Variants in ADIPOR2 observed in about 807,000 individuals in gnomAD.
ADIPOR2 encodes adiponectin receptor 2.
A neutral mutation model predicts 40.9 loss-of-function variants in ADIPOR2; 18 were observed. That is an observed-to-expected ratio of 0.44 (90% CI 0.30 to 0.65). The LOEUF (loss-of-function observed/expected upper bound fraction) is 0.65, where lower values mean the gene tolerates loss of function less well. ADIPOR2 is among the 30% of genes least tolerant of loss of function. The pLI, the probability that ADIPOR2 is intolerant of heterozygous loss-of-function variation, is 0.09. For missense variants in ADIPOR2, 283 were observed against 479.2 expected, an observed-to-expected ratio of 0.59 and a Z score of 3.82; for synonymous variants, 165 against 166.4, an observed-to-expected ratio of 0.99 and a Z score of 0.06.
intron 1 of ADIPOR2, among the ~76,000 whole-genome samples, chr12:1,746,559 A>G (rs762638477): frequency 2.6e-5 from 4 of 152,192 alleles, no homozygotes; most frequent in Non-Finnish European, 4.4e-5. Flanking sequence ...AAGAGTCGAT[A>G]CACCAAGAAG....
rs1029665204 is a variant in ADIPOR2, at chr12:1,729,620, T to G, written c.-86-24638T>G. 1.3e-4 allele frequency among the ~76,000 whole-genome samples: 5 copies of G among 38,698 alleles called. No individual in the cohort carries two copies. The South Asian group carries it at 3.5e-3, about 27-fold the overall frequency. The allele number at this position is 38,698 out of a possible 152,430, so 25.4% of individuals were successfully genotyped here. A position where few individuals can be genotyped will look rare whatever the true frequency, so the allele number is the denominator to read the frequency against. ...GAGCCAATGAGCTCAGCCAGTTGTT[T>G]TTTTTTTTTTTTTTTTTTTTTGAGT... On this transcript the variant is annotated intron_variant, in intron 1 of 7. Transcript: ENST00000357103.
rs189858981 is a variant in ADIPOR2, at chr12:1,714,016, G to A, written c.-87+22825G>A. Among the ~76,000 whole-genome samples, 1,100 of 152,220 alleles carry A rather than the reference G, an allele frequency of 7.2e-3. 8 individuals are homozygous for A. The highest frequency in any genetic ancestry group is 0.011 in the Non-Finnish European group (736 of 68,018). Reference sequence around the variant, plus strand: ...GCTTGCCCCGGGCACCCTCAGTCCTGTTGGATCATCTGGTTGGGGGCTTCT... The same window carrying A: ...GCTTGCCCCGGGCACCCTCAGTCCTATTGGATCATCTGGTTGGGGGCTTCT... On this transcript the variant is annotated intron_variant, in intron 1 of 7. Transcript: ENST00000357103.
chr12:1,701,717 T>G (rs2094650540), intron 1 of ADIPOR2, among the ~76,000 whole-genome samples: 1 of 152,232 alleles, frequency 6.6e-6, no homozygotes, highest in Non-Finnish European at 1.5e-5. Context: ...CTCATGTTGA[T>G]AGGCATTTAG....
At chr12:1,761,803 A>G (rs2154443799) in intron 2 of ADIPOR2, among the ~76,000 whole-genome samples, 1 of 152,352 alleles carries the variant, frequency 6.6e-6, no homozygotes, top group Non-Finnish European at 1.5e-5. Flanking sequence ...TACACCTGAC[A>G]GGACTTCTGT....
At chr12:1,767,032 A>G (rs1389247136) in intron 2 of ADIPOR2, among the ~76,000 whole-genome samples, 3 of 151,984 alleles carry the variant, frequency 2.0e-5, no homozygotes, top group Non-Finnish European at 4.4e-5. Context: ...CACTTCGGGA[A>G]GCTGAGGCGG....
At chr12:1,693,507 G>T (rs1166388393) in intron 1 of ADIPOR2, among the ~76,000 whole-genome samples, 1 of 149,498 alleles carries the variant, frequency 6.7e-6, no homozygotes, top group Non-Finnish European at 1.5e-5. Context: ...GATAAATGTT[G>T]GTTTGTAATC....
At chr12:1,731,447 C>T (rs2094720136) in intron 1 of ADIPOR2, among the ~76,000 whole-genome samples, 1 of 152,192 alleles carries the variant, frequency 6.6e-6, no homozygotes, top group South Asian at 2.1e-4. Flanking sequence ...ATCACACTAC[C>T]TAGTTCCAGA....
intron 1 of ADIPOR2, among the ~76,000 whole-genome samples, chr12:1,722,099 A>G (rs372072239): frequency 3.9e-5 from 6 of 152,280 alleles, no homozygotes; most frequent in South Asian, 2.1e-4. Context: ...ACAAGGGTGG[A>G]ATTTAGGAGA....
chr12:1,724,817 A>G (rs562901074), intron 1 of ADIPOR2, among the ~76,000 whole-genome samples: 5 of 152,176 alleles, frequency 3.3e-5, no homozygotes, highest in African/African-American at 1.2e-4. Flanking sequence ...CAGCCTCCCA[A>G]GTAGCTGGGA....
intron 2 of ADIPOR2, chr12:1,757,559 C>G: frequency 1.1e-6 from 1 of 934,366 alleles, no homozygotes; most frequent in Non-Finnish European, 1.8e-6. Flanking sequence ...TATCATTCAC[C>G]TTGATGAGGG....
At chr12:1,764,711 C>T (rs1592621894) in intron 2 of ADIPOR2, among the ~76,000 whole-genome samples, 1 of 152,126 alleles carries the variant, frequency 6.6e-6, no homozygotes, top group South Asian at 2.1e-4. Flanking sequence ...CCCACTCCCC[C>T]AAAGGTAACC....
At chr12:1,772,550 G>T (rs1399784179) in intron 2 of ADIPOR2, among the ~76,000 whole-genome samples, 1 of 151,934 alleles carries the variant, frequency 6.6e-6, no homozygotes, top group Non-Finnish European at 1.5e-5. Flanking sequence ...ATTATTATGG[G>T]GTCTATGACA....
chr12:1,749,692 A>G (rs1316975054), intron 1 of ADIPOR2, among the ~76,000 whole-genome samples: 1 of 151,830 alleles, frequency 6.6e-6, no homozygotes, highest in Non-Finnish European at 1.5e-5. Flanking sequence ...AAGTTTTATA[A>G]TGAGTTTTTA....
chr12:1,773,441 G>C (rs1315898080), intron 3 of ADIPOR2, among the ~76,000 whole-genome samples: 1 of 151,744 alleles, frequency 6.6e-6, no homozygotes, highest in Non-Finnish European at 1.5e-5. Context: ...TTTCAGTTCA[G>C]CTGGTATACA....
intron 1 of ADIPOR2, among the ~76,000 whole-genome samples, chr12:1,709,650 G>C (rs888608060): frequency 6.6e-6 from 1 of 152,174 alleles, no homozygotes; most frequent in Non-Finnish European, 1.5e-5. Context: ...TTGGATATAA[G>C]TGGAGACATG....
At chr12:1,738,466 C>A (rs1049510823) in intron 1 of ADIPOR2, among the ~76,000 whole-genome samples, 1 of 152,154 alleles carries the variant, frequency 6.6e-6, no homozygotes, top group Admixed American at 6.6e-5. Flanking sequence ...TGTAATTTCT[C>A]ATTTTAGAGA....
intron 1 of ADIPOR2, among the ~76,000 whole-genome samples, chr12:1,751,513 C>CT (rs375451005): frequency 6.6e-6 from 1 of 151,886 alleles, no homozygotes; most frequent in Non-Finnish European, 1.5e-5. Context: ...TTCAGTTTTT[C>CT]TTTTTTATTA....
chr12:1,773,533 T>C (rs1049797367), intron 3 of ADIPOR2, among the ~76,000 whole-genome samples: 1 of 151,388 alleles, frequency 6.6e-6, no homozygotes, highest in South Asian at 2.1e-4. Context: ...TTTTTTTTTT[T>C]TTCTAAAATA....
At chr12:1,784,501 C>G (rs1189278451) in intron 7 of ADIPOR2, among the ~76,000 whole-genome samples, 1 of 152,186 alleles carries the variant, frequency 6.6e-6, no homozygotes, top group Non-Finnish European at 1.5e-5. Flanking sequence ...TTTTGCCATT[C>G]TTTGTCTCAG....
Sources: gnomAD v4.1 joint callset for allele counts (sites outside exome capture counted in the v4.1 genomes callset) on GRCh38, gnomAD v4.1.1 for gene constraint, MANE v1.5 for transcripts, NCBI Gene and HGNC (gene_info 2026-07-23, HGNC 2026-07-21) for gene names.